Variants in SLC39A13 observed in about 807,000 individuals in gnomAD.
The protein encoded by SLC39A13 is zinc transporter ZIP13.
Under a neutral mutation model 38.7 loss-of-function variants are expected in SLC39A13, and 18 were observed. That is an observed-to-expected ratio of 0.47 (90% CI 0.32 to 0.69). SLC39A13 has a LOEUF of 0.69. Among genes scored for constraint, SLC39A13 ranks in the 30% least tolerant of loss-of-function variants. The pLI is 0.03. For synonymous variants in SLC39A13, 212 were observed against 219.1 expected (o/e 0.97, Z 0.29); for missense variants, 395 against 490.7 (o/e 0.80, Z 1.84).
chr11:47,410,278 G>C lies in SLC39A13; in HGVS notation c.184G>C (p.Gly62Arg). Residue 62 changes from glycine to arginine, a missense_variant, in exon 2 of 10, where the codon GGA becomes CGA. Physicochemically the swap from Gly to Arg is moderately radical, Grantham distance 125. Coordinates refer to ENST00000362021, the MANE Select transcript of SLC39A13 (RefSeq NM_001128225.3). ...CGAGTCCTGGGGGGCTCTGCTGAGCGGAGAGCGGCTGGACACCTGGATCTG... is the reference window on the plus strand; with the variant it reads ...CGAGTCCTGGGGGGCTCTGCTGAGCCGAGAGCGGCTGGACACCTGGATCTG... ...ESESWGALLS[G>R]ERLDTWICSL... 1 of 1,614,136 alleles carries C rather than the reference G, an allele frequency of 6.2e-7. No individual in the cohort carries two copies. The highest frequency in any genetic ancestry group is 8.5e-7 in the Non-Finnish European group (1 of 1,180,014).
chr11:47,408,527 C>T (rs1258100555), upstream of SLC39A13: 18 of 148,134 alleles, frequency 1.2e-4, no homozygotes, highest in Admixed American at 1.1e-3. Context: ...CCCCTTGTGA[C>T]GTGGCCGCGC....
rs769912209 is a variant in SLC39A13 at position 47,410,399 on chromosome 11, G to A, written c.301+4G>A. ...GGGACCATGCTGCGCTCAGAAGGTA[G>A]GTGACTCTCCGGTGGCGCCCAGGGC... On this transcript the variant is annotated splice_donor_region_variant and intron_variant, in intron 2 of 9. Coordinates refer to ENST00000362021, the MANE Select transcript of SLC39A13 (RefSeq NM_001128225.3). 4 of 1,613,904 alleles carry A rather than the reference G, an allele frequency of 2.5e-6. No individual in the cohort carries two copies. The highest frequency in any genetic ancestry group is 1.1e-5 in the South Asian group (1 of 91,090).
intron 4 of SLC39A13, 83 bp from the exon 5 acceptor site, chr11:47,413,313 CTCTT>C: frequency 7.2e-7 from 1 of 1,387,672 alleles, no homozygotes; most frequent in Non-Finnish European, 1.0e-6. Context: ...GCCCCCGTCT[CTCTT>C]TCTCCATCTC....
intron 6 of SLC39A13, 109 bp downstream of exon 6, chr11:47,413,795 T>A: frequency 1.7e-6 from 2 of 1,177,348 alleles, no homozygotes; most frequent in Non-Finnish European, 2.5e-6. Context: ...AGCGCCCTCA[T>A]CTAAGGCTCT....
In SLC39A13 at chr11:47,410,100, T is replaced by C. The variant is rs1423187005; in HGVS notation, c.6T>C (p.Pro2=). 1 of 1,613,024 alleles carries C rather than the reference T, an allele frequency of 6.2e-7. No individual in the cohort carries two copies. Among genetic ancestry groups the C allele is most frequent in the African/African-American group, 1.3e-5 (1 of 75,036 alleles). Residue 2 remains proline (P), a synonymous_variant, in exon 2 of 10, where the codon CCT becomes CCC. Coordinates refer to ENST00000362021, the MANE Select transcript of SLC39A13 (RefSeq NM_001128225.3). The part of the protein sequence containing the change: M[P]GCPCPGCGMA... ...TGTGTTTTTCAGTACGTGGCATGCC[T>C]GGATGTCCCTGCCCTGGCTGTGGCA...
intron 6 of SLC39A13, chr11:47,414,221 G>A: frequency 1.6e-6 from 1 of 642,000 alleles, no homozygotes; most frequent in Non-Finnish European, 2.8e-6. Flanking sequence ...GAGTGTGTGA[G>A]TGAGTCCTGT....
At chr11:47,414,148 A>C in intron 6 of SLC39A13, 1 of 607,124 alleles carries the variant, frequency 1.6e-6, no homozygotes, top group Non-Finnish European at 2.9e-6. Context: ...CTCCTCATCT[A>C]AATTTGGTTC....
Position 47,414,539 on chromosome 11 carries a change from TG to T in SLC39A13, c.786+65del, listed in dbSNP as rs1379497016. ...CCACAGTGCCCATGATCAGCATGGG[TG>T]TGGAGCTCAGGAGGGTGTGGGGCTG... On this transcript the variant is annotated intron_variant, in intron 7 of 9. Coordinates refer to ENST00000362021, the MANE Select transcript of SLC39A13 (RefSeq NM_001128225.3). 1.9e-6 allele frequency: 3 copies of T among 1,577,942 alleles called. No individual in the cohort carries two copies. The African/African-American group carries it at 4.0e-5, about 21-fold the overall frequency.
In SLC39A13 at chr11:47,410,404, C is replaced by T; in HGVS notation, c.301+9C>T. On this transcript the variant is annotated intron_variant, in intron 2 of 9. Transcript: ENST00000362021. ...CATGCTGCGCTCAGAAGGTAGGTGA[C>T]TCTCCGGTGGCGCCCAGGGCTGGCC... The T allele has an allele frequency of 6.2e-7, 1 of 1,613,788 alleles. No individual in the cohort carries two copies.
Sources: gnomAD v4.1 joint callset for allele counts on GRCh38, gnomAD v4.1.1 for gene constraint, MANE v1.5 for transcripts, NCBI Gene and HGNC (gene_info 2026-07-23, HGNC 2026-07-21) for gene names.